Variants in LCLAT1 observed in about 807,000 individuals in gnomAD.
The protein encoded by LCLAT1 is 1-AGP acyltransferase 8.
Under a neutral mutation model 30.7 loss-of-function variants are expected in LCLAT1, and 11 were observed. The ratio of observed to expected loss-of-function variants is 0.36; its 90% confidence interval spans 0.23 to 0.59. The LOEUF (loss-of-function observed/expected upper bound fraction) is 0.59, where lower values mean the gene tolerates loss of function less well. Ranked by LOEUF, LCLAT1 falls within the 20% of genes least tolerant of loss-of-function variation. The pLI is 0.77. For synonymous variants in LCLAT1, 155 were observed against 151.3 expected, an observed-to-expected ratio of 1.02 and a Z score of -0.18; for missense variants, 402 against 458.6, an observed-to-expected ratio of 0.88 and a Z score of 1.13.
At chr2:30,493,550 T>A (rs1179147539) in intron 1 of LCLAT1, among the ~76,000 whole-genome samples, 1 of 152,184 alleles carries the variant, frequency 6.6e-6, no homozygotes, top group Non-Finnish European at 1.5e-5. Flanking sequence ...TTTAACTGAC[T>A]TTTTTTCTTT....
chr2:30,454,477 G>T (rs1270920800), intron 1 of LCLAT1, among the ~76,000 whole-genome samples: 1 of 152,012 alleles, frequency 6.6e-6, no homozygotes, highest in African/African-American at 2.4e-5. Context: ...TAGAGACAGG[G>T]TCTCACTCTG....
chr2:30,561,522 A>G (rs1665221569), intron 3 of LCLAT1, among the ~76,000 whole-genome samples: 1 of 152,134 alleles, frequency 6.6e-6, no homozygotes, highest in South Asian at 2.1e-4. Flanking sequence ...TGGCACATCT[A>G]GGGCTCTCTC....
At chr2:30,488,817 A>G (rs1444531104) in intron 1 of LCLAT1, among the ~76,000 whole-genome samples, 2 of 152,208 alleles carry the variant, frequency 1.3e-5, no homozygotes, top group Non-Finnish European at 2.9e-5. Flanking sequence ...TTCTGTCCTC[A>G]ATGTCTGTTT....
intron 1 of LCLAT1, among the ~76,000 whole-genome samples, chr2:30,470,314 C>T (rs1414721266): frequency 6.6e-6 from 1 of 152,052 alleles, no homozygotes; most frequent in Non-Finnish European, 1.5e-5. Context: ...TAAGTAATTA[C>T]AAAAAAGACA....
At chr2:30,605,282 A>G (rs1346812781) in intron 5 of LCLAT1, among the ~76,000 whole-genome samples, 1 of 152,252 alleles carries the variant, frequency 6.6e-6, no homozygotes. Flanking sequence ...CCTTGCTTAG[A>G]CCAGCTAAAG....
chr2:30,634,139 A>C (rs1348933301), intron 5 of LCLAT1, among the ~76,000 whole-genome samples: 1 of 152,256 alleles, frequency 6.6e-6, no homozygotes, highest in Non-Finnish European at 1.5e-5. Context: ...TGAAATATTA[A>C]GCAAGTGCTT....
chr2:30,577,183 A>T (rs964753491), intron 5 of LCLAT1, among the ~76,000 whole-genome samples: 1 of 151,900 alleles, frequency 6.6e-6, no homozygotes, highest in Admixed American at 6.6e-5. Flanking sequence ...AAAGCATGCA[A>T]ACTCACCTTG....
At chr2:30,502,931 A>G (rs1163332496) in intron 1 of LCLAT1, among the ~76,000 whole-genome samples, 1 of 152,226 alleles carries the variant, frequency 6.6e-6, no homozygotes, top group African/African-American at 2.4e-5. Flanking sequence ...TTTATTGAGC[A>G]GTACTGTTCC....
At chr2:30,579,357 T>C (rs961162341) in intron 5 of LCLAT1, among the ~76,000 whole-genome samples, 24 of 152,182 alleles carry the variant, frequency 1.6e-4, no homozygotes, top group African/African-American at 4.8e-4. Flanking sequence ...AAAATGTCTT[T>C]GTCGTAAATG....
chr2:30,475,864 G>C (rs1683018357), intron 1 of LCLAT1, among the ~76,000 whole-genome samples: 1 of 152,182 alleles, frequency 6.6e-6, no homozygotes, highest in Non-Finnish European at 1.5e-5. Context: ...ATGCTTTGTT[G>C]AGATGCAGGT....
chr2:30,573,217 T>C (rs934639000), intron 5 of LCLAT1, among the ~76,000 whole-genome samples: 25 of 152,286 alleles, frequency 1.6e-4, no homozygotes, highest in African/African-American at 6.0e-4. Context: ...GCCTTTTGAT[T>C]CTACCCCTTA....
At chr2:30,536,679 C>A (rs890384128) in intron 3 of LCLAT1, among the ~76,000 whole-genome samples, 7 of 152,120 alleles carry the variant, frequency 4.6e-5, no homozygotes, top group African/African-American at 1.4e-4. Context: ...ATTATGAAAA[C>A]ATGCAGATAA....
intron 5 of LCLAT1, among the ~76,000 whole-genome samples, chr2:30,580,659 C>T (rs1176638218): frequency 1.3e-5 from 2 of 152,086 alleles, no homozygotes; most frequent in Non-Finnish European, 2.9e-5. Context: ...TGTAGAAGAA[C>T]AGCTGAACGT....
Position 30,531,754 on chromosome 2 carries a change from T to A in LCLAT1, c.166-1362T>A, listed in dbSNP as rs1012842066. ...TAGTATATTTCTTTAGCTAATATTATTTTGAACCTATGTTTTATTGATCCT... is the reference window on the plus strand; with the variant it reads ...TAGTATATTTCTTTAGCTAATATTAATTTGAACCTATGTTTTATTGATCCT... On this transcript the variant is annotated intron_variant, in intron 2 of 5. Coordinates refer to ENST00000379509, the MANE Select transcript of LCLAT1 (RefSeq NM_001002257.3). Among the ~76,000 whole-genome samples, 8 of 152,242 alleles carry A rather than the reference T, an allele frequency of 5.3e-5. No homozygotes were observed. The South Asian group carries it at 1.7e-3, about 31-fold the overall frequency.
intron 3 of LCLAT1, 110 bp from the exon 4 acceptor site, chr2:30,562,036 C>A: frequency 1.5e-6 from 1 of 652,136 alleles, no homozygotes; most frequent in Non-Finnish European, 2.4e-6. Flanking sequence ...GAAATGTTTA[C>A]AATAATAAAT....
chr2:30,479,381 C>T (rs975607097), intron 1 of LCLAT1, among the ~76,000 whole-genome samples: 1 of 152,012 alleles, frequency 6.6e-6, no homozygotes, highest in Non-Finnish European at 1.5e-5. Context: ...AGGCTCATGT[C>T]GCCATCCCCA....
At chr2:30,616,160 A>G (rs6718986) in intron 5 of LCLAT1, among the ~76,000 whole-genome samples, 6,004 of 152,270 alleles carry the variant, frequency 0.039, 411 homozygotes, top group African/African-American at 0.14. Flanking sequence ...TTGAATTGCA[A>G]TGGTAAGTGA....
rs534735066 is a variant in LCLAT1, at chr2:30,501,866, T to C, written c.-4-23721T>C. Among the ~76,000 whole-genome samples, 17 of 152,324 alleles carry C rather than the reference T, an allele frequency of 1.1e-4. No individual in the cohort carries two copies. In the East Asian group the frequency reaches 3.1e-3, roughly 28 times the overall value. On this transcript the variant is annotated intron_variant, in intron 1 of 5. Transcript: ENST00000379509. ...TCAACTTTTATATGTATGAAAAACA[T>C]TGGACCAGTTTAACATTGTATAATT... is the stretch of plus-strand genomic sequence containing the variant.
intron 1 of LCLAT1, among the ~76,000 whole-genome samples, chr2:30,507,049 G>C (rs957219425): frequency 2.6e-5 from 4 of 151,892 alleles, no homozygotes; most frequent in African/African-American, 9.7e-5. Flanking sequence ...TATTTTTATT[G>C]CTAATGATAA....
Sources: gnomAD v4.1 joint callset for allele counts (sites outside exome capture counted in the v4.1 genomes callset) on GRCh38, gnomAD v4.1.1 for gene constraint, MANE v1.5 for transcripts, NCBI Gene and HGNC (gene_info 2026-07-23, HGNC 2026-07-21) for gene names.